Variants in ELF5 observed in about 807,000 individuals in gnomAD.
The protein encoded by ELF5 is E74 like ETS transcription factor 5.
In ELF5, 31 loss-of-function variants were observed where a neutral mutation model predicts 38.2. The ratio of observed to expected loss-of-function variants is 0.81; its 90% CI spans 0.61 to 1.10. ELF5 has a LOEUF of 1.10. Among genes scored for constraint, ELF5 ranks in the 50% least tolerant of loss-of-function variants. The probability of loss-of-function intolerance (pLI) is 0.00; values close to 1 mark genes in which losing one functional copy is unlikely to be tolerated. For synonymous variants in ELF5, 121 were observed against 112.5 expected (o/e 1.08, Z -0.48); for missense variants, 300 against 306.6 (o/e 0.98, Z 0.16).
intron 3 of ELF5, among the ~76,000 whole-genome samples, chr11:34,490,629 A>G (rs1372286480): frequency 6.6e-6 from 1 of 152,160 alleles, no homozygotes; most frequent in Admixed American, 6.6e-5. Flanking sequence ...GATATGGAAG[A>G]TGATGTCAGG....
Position 34,509,868 on chromosome 11 carries a change from G to T in ELF5, c.-5+3809C>A, listed in dbSNP as rs190067871. Among the ~76,000 whole-genome samples, 18 of 152,136 alleles carry T rather than the reference G, an allele frequency of 1.2e-4. No individual in the cohort carries two copies. The East Asian group carries it at 2.7e-3, about 23-fold the overall frequency. ...AAGGAGAGGTGAATTCCACACGGAA[G>T]AAAACAGAAAACAGTCCCCAGGTCT... On this transcript the variant is annotated intron_variant, in intron 1 of 6. Coordinates refer to ENST00000257832, the MANE Select transcript of ELF5 (RefSeq NM_001422.4).
At chr11:34,504,531 T>A (rs1850556833) in intron 2 of ELF5, among the ~76,000 whole-genome samples, 1 of 152,198 alleles carries the variant, frequency 6.6e-6, no homozygotes, top group South Asian at 2.1e-4. Flanking sequence ...GGCAGGGGCT[T>A]CTGGTAGTGG....
chr11:34,505,665 T>G lies in ELF5; in HGVS notation c.85A>C (p.Asn29His). The change falls in exon 2 of 7, where the codon AAT (asparagine) becomes CAT (histidine). Residue 29 changes from asparagine (N) to histidine (H), a missense_variant. Physicochemically the swap from Asn to His is moderately conservative, Grantham distance 68. Transcript: ENST00000257832. ...PLMSWTDLFSNEEYYPAFEHQ... is the reference protein window; with the variant it reads ...PLMSWTDLFSHEEYYPAFEHQ... ...TCAAAGGCAGGGTAGTACTCTTCAT[T>G]GCTGAACAGATCAGTCCACGACATC... is the stretch of plus-strand genomic sequence containing the variant. 4 of 1,614,032 alleles carry G rather than the reference T, an allele frequency of 2.5e-6. No homozygotes were observed. Among genetic ancestry groups the G allele is most frequent in the Non-Finnish European group, 2.5e-6 (3 of 1,179,954 alleles).
intron 4 of ELF5, among the ~76,000 whole-genome samples, chr11:34,485,268 C>T (rs1348482663): frequency 6.6e-6 from 1 of 152,220 alleles, no homozygotes; most frequent in Non-Finnish European, 1.5e-5. Context: ...TTTATCATGT[C>T]TTTCACAGCA....
intron 2 of ELF5, among the ~76,000 whole-genome samples, chr11:34,496,016 A>ATTTCT (rs146313884): frequency 0.14 from 21,699 of 152,078 alleles, 1,665 homozygotes; most frequent in Admixed American, 0.21. Flanking sequence ...GGCACAGTTG[A>ATTTCT]TTTCATGGAA....
At chr11:34,497,803 A>G (rs1850353336) in intron 2 of ELF5, among the ~76,000 whole-genome samples, 1 of 152,234 alleles carries the variant, frequency 6.6e-6, no homozygotes, top group African/African-American at 2.4e-5. Flanking sequence ...CGGGAAGCCC[A>G]GTCAAAATGT....
At chr11:34,501,906 A>G (rs992715853) in intron 2 of ELF5, among the ~76,000 whole-genome samples, 9 of 152,172 alleles carry the variant, frequency 5.9e-5, no homozygotes, top group African/African-American at 2.2e-4. Context: ...TAGAAGGCAC[A>G]TCATTTTTTT....
intron 2 of ELF5, among the ~76,000 whole-genome samples, chr11:34,500,003 G>A (rs867397031): frequency 6.6e-6 from 1 of 152,212 alleles, no homozygotes; most frequent in East Asian, 1.9e-4. Context: ...AAATGATGCA[G>A]GTAAAGAACT....
At chr11:34,485,194 G>A (rs953487517) in intron 4 of ELF5, among the ~76,000 whole-genome samples, 1 of 152,192 alleles carries the variant, frequency 6.6e-6, no homozygotes, top group Non-Finnish European at 1.5e-5. Context: ...GAGAGCTTAA[G>A]AATCTTTTCC....
In ELF5 at chr11:34,479,884, A is replaced by G. The variant is rs999704147; in HGVS notation, c.*334T>C. The G allele has an allele frequency of 4.5e-6, 1 of 224,590 alleles. No individual in the cohort carries two copies. The highest frequency in any genetic ancestry group is 2.3e-5 in the African/African-American group (1 of 43,128). The allele number at this position is 224,590 out of a possible 1,614,324, so 13.9% of individuals were successfully genotyped here. A position where few individuals can be genotyped will look rare whatever the true frequency, so the allele number is the denominator to read the frequency against. ...GATGGGAGCATTGGATGTGTCTCTA[A>G]TGGCAGAATTGAATAGTTTTTCTCT... On this transcript the variant is annotated 3_prime_UTR_variant, in exon 7 of 7. Transcript: ENST00000257832.
chr11:34,505,484 C>T, intron 2 of ELF5, 145 bp downstream of exon 2: 1 of 1,238,428 alleles, frequency 8.1e-7, no homozygotes, highest in Non-Finnish European at 1.1e-6. Context: ...GCCCTTCCTT[C>T]CATCCAGGAG....
chr11:34,489,253 A>G (rs1405506003), intron 4 of ELF5, among the ~76,000 whole-genome samples: 2 of 152,092 alleles, frequency 1.3e-5, no homozygotes, highest in Admixed American at 6.5e-5. Context: ...GGAGGAAAAA[A>G]TCATAACCCA....
intron 3 of ELF5, chr11:34,493,127 T>G (rs955775394): frequency 8.7e-6 from 4 of 459,666 alleles, no homozygotes; most frequent in African/African-American, 5.8e-5. Flanking sequence ...CCTCTTCTGC[T>G]TAATGAGAGA....
chr11:34,497,234 G>T (rs1421270119), intron 2 of ELF5, among the ~76,000 whole-genome samples: 2 of 152,170 alleles, frequency 1.3e-5, no homozygotes, highest in Non-Finnish European at 2.9e-5. Context: ...AATGTAAAGT[G>T]TTTTTCTCAA....
intron 6 of ELF5, 47 bp from the exon 7 acceptor site, chr11:34,480,361 G>C: frequency 1.4e-6 from 2 of 1,437,552 alleles, no homozygotes; most frequent in Non-Finnish European, 2.0e-6. Flanking sequence ...TTGCACCCTA[G>C]GAAAACAACA....
intron 2 of ELF5, among the ~76,000 whole-genome samples, chr11:34,496,628 C>T (rs1850328611): frequency 6.6e-6 from 1 of 152,190 alleles, no homozygotes; most frequent in Non-Finnish European, 1.5e-5. Flanking sequence ...TCTTCCTCCT[C>T]ACTGAGTGCC....
intron 5 of ELF5, 66 bp from the exon 6 acceptor site, chr11:34,481,033 AT>A (rs1370393352): frequency 4.0e-6 from 5 of 1,261,708 alleles, no homozygotes; most frequent in Non-Finnish European, 5.2e-6. Context: ...TAATTAATTA[AT>A]TTTTTTGAGA....
intron 1 of ELF5, chr11:34,511,542 A>G: frequency 6.2e-7 from 1 of 1,614,192 alleles, no homozygotes; most frequent in Non-Finnish European, 8.5e-7. Context: ...GGCTGCAGGT[A>G]CCTGTGGGAG....
intron 4 of ELF5, among the ~76,000 whole-genome samples, chr11:34,488,633 G>A (rs1325557403): frequency 6.6e-6 from 1 of 152,268 alleles, no homozygotes; most frequent in African/African-American, 2.4e-5. Flanking sequence ...ATATATTCAG[G>A]TTACACCTAC....
Sources: allele counts gnomAD v4.1 joint callset (sites outside exome capture counted in the v4.1 genomes callset), GRCh38; gene constraint gnomAD v4.1.1; transcripts MANE v1.5; gene names NCBI Gene and HGNC (gene_info 2026-07-23, HGNC 2026-07-21).